TGFA: variants seen among roughly 807,000 people sequenced by gnomAD.
TGFA encodes the protein protransforming growth factor alpha.
In TGFA, 12 loss-of-function variants were observed where a neutral mutation model predicts 21.7. The observed-to-expected ratio is 0.55, with a 90% CI of 0.35 to 0.90. The LOEUF is 0.90. TGFA is among the 40% of genes least tolerant of loss of function. TGFA has a pLI of 0.01. For synonymous variants in TGFA, 79 were observed against 88.1 expected (o/e 0.90, Z 0.58); for missense variants, 178 against 210.8 (o/e 0.84, Z 0.96).
intron 1 of TGFA, among the ~76,000 whole-genome samples, chr2:70,531,307 T>C (rs1170099283): frequency 4.6e-5 from 7 of 152,154 alleles, no homozygotes; most frequent in Non-Finnish European, 8.8e-5. Flanking sequence ...AACATACCAG[T>C]CCACACCCTC....
At chr2:70,471,274 G>A (rs1670740863) in intron 2 of TGFA, among the ~76,000 whole-genome samples, 1 of 152,202 alleles carries the variant, frequency 6.6e-6, no homozygotes, top group African/African-American at 2.4e-5. Flanking sequence ...TTTGTAGCTT[G>A]TCACAGGTTT....
chr2:70,465,219 A>C (rs1328270713), intron 3 of TGFA, among the ~76,000 whole-genome samples: 3 of 152,246 alleles, frequency 2.0e-5, no homozygotes, highest in Non-Finnish European at 4.4e-5. Context: ...GCTAGAGGGC[A>C]GAGACCACAT....
In TGFA at chr2:70,465,684, A is replaced by G. The variant is rs147816445; in HGVS notation, c.147T>C (p.Asp49=). 1.9e-6 allele frequency: 3 copies of G among 1,614,048 alleles called. No individual in the cohort carries two copies. In the African/African-American group the frequency reaches 4.0e-5, roughly 22 times the overall value. The change falls in exon 3 of 6, where the codon GAT becomes GAC. Residue 49 remains aspartate, a synonymous_variant. Transcript: ENST00000295400. ...AVVSHFNDCP[D]SHTQFCFHGT... is the part of the protein sequence containing the mutation. The stretch of plus-strand genomic sequence containing the variant: ...CATGGAAGCAGAACTGAGTGTGGGA[A>G]TCTGGGCAGTCATTAAAATGGGACA...
intron 1 of TGFA, among the ~76,000 whole-genome samples, chr2:70,530,592 G>A (rs1005277071): frequency 1.1e-4 from 16 of 150,176 alleles, no homozygotes; most frequent in African/African-American, 3.8e-4. Flanking sequence ...GCGGCCCATG[G>A]GCCACAGGTT....
At chr2:70,547,842 GAGAT>G (rs1392331838) in intron 1 of TGFA, among the ~76,000 whole-genome samples, 2 of 146,540 alleles carry the variant, frequency 1.4e-5, no homozygotes, top group Non-Finnish European at 3.0e-5. Flanking sequence ...GATATATATA[GAGAT>G]ATATATATCT....
chr2:70,491,875 T>C (rs1372745880), intron 2 of TGFA, among the ~76,000 whole-genome samples: 2 of 152,090 alleles, frequency 1.3e-5, no homozygotes, highest in Non-Finnish European at 2.9e-5. Context: ...AGAGTAAGAG[T>C]GCATAAAACC....
rs78414984 is a variant in TGFA at position 70,459,647 on chromosome 2, C to G, written c.216-3159G>C. ...GCACCAAGGGAGATAACCCCCTGGG[C>G]TGGGACACACCTTGCTGACTTTCCA... On this transcript the variant is annotated intron_variant, in intron 3 of 5. Transcript: ENST00000295400. 7.6e-3 allele frequency among the ~76,000 whole-genome samples: 1,160 copies of G among 152,330 alleles called. 11 individuals carry two copies. Among genetic ancestry groups the G allele is most frequent in the Non-Finnish European group, 0.011 (734 of 68,030 alleles).
intron 2 of TGFA, among the ~76,000 whole-genome samples, chr2:70,486,725 G>C (rs986009876): frequency 6.6e-6 from 1 of 151,892 alleles, no homozygotes; most frequent in East Asian, 1.9e-4. Flanking sequence ...GCCCCCTAAA[G>C]TGCTGGAATT....
intron 2 of TGFA, among the ~76,000 whole-genome samples, chr2:70,484,888 C>T (rs1207867933): frequency 1.3e-5 from 2 of 152,194 alleles, no homozygotes; most frequent in East Asian, 3.8e-4. Flanking sequence ...ACCAAAGAAC[C>T]CTAGTTGATG....
At chr2:70,526,380 C>T (rs1274722877) in intron 1 of TGFA, among the ~76,000 whole-genome samples, 4 of 152,190 alleles carry the variant, frequency 2.6e-5, no homozygotes, top group African/African-American at 7.2e-5. Flanking sequence ...GGGGATGATG[C>T]ATTTGACTTT....
chr2:70,530,645 C>T (rs1420282106), intron 1 of TGFA, among the ~76,000 whole-genome samples: 1 of 152,238 alleles, frequency 6.6e-6, no homozygotes, highest in African/African-American at 2.4e-5. Flanking sequence ...ACTTATAAGA[C>T]ATGCATTAAA....
chr2:70,534,602 T>C (rs910358244), intron 1 of TGFA, among the ~76,000 whole-genome samples: 53 of 152,328 alleles, frequency 3.5e-4, no homozygotes, highest in African/African-American at 1.3e-3. Flanking sequence ...GGTTCCTTGG[T>C]CATAATAAAA....
At chr2:70,518,769 G>A (rs948220792) in intron 1 of TGFA, among the ~76,000 whole-genome samples, 5 of 152,194 alleles carry the variant, frequency 3.3e-5, no homozygotes, top group African/African-American at 1.2e-4. Context: ...AGTGCCTGGA[G>A]CTGGGAGGAG....
intron 4 of TGFA, among the ~76,000 whole-genome samples, chr2:70,454,495 G>T (rs1670165449): frequency 6.6e-6 from 1 of 152,232 alleles, no homozygotes; most frequent in South Asian, 2.1e-4. Context: ...ATGCCAGGGG[G>T]CTCTAAAGGC....
chr2:70,521,313 AC>A (rs1672452319), intron 1 of TGFA, among the ~76,000 whole-genome samples: 1 of 151,446 alleles, frequency 6.6e-6, no homozygotes, highest in African/African-American at 2.4e-5. Flanking sequence ...AGGTCCTCTG[AC>A]CCCAGCTGCC....
intron 2 of TGFA, among the ~76,000 whole-genome samples, chr2:70,474,351 A>T (rs1670861601): frequency 1.3e-5 from 2 of 152,262 alleles, no homozygotes; most frequent in South Asian, 4.1e-4. Context: ...ATAGAAAATT[A>T]GGATGCTATT....
chr2:70,472,713 T>A (rs1670794620), intron 2 of TGFA, among the ~76,000 whole-genome samples: 1 of 152,230 alleles, frequency 6.6e-6, no homozygotes, highest in Admixed American at 6.5e-5. Context: ...TAATTGGACT[T>A]CATGCTGTGC....
chr2:70,475,416 G>A (rs1283292040), intron 2 of TGFA, among the ~76,000 whole-genome samples: 1 of 152,136 alleles, frequency 6.6e-6, no homozygotes, highest in Non-Finnish European at 1.5e-5. Flanking sequence ...GTTCAATGAT[G>A]CGAAGTCAGC....
chr2:70,479,701 T>TA (rs1374498422), intron 2 of TGFA, among the ~76,000 whole-genome samples: 2 of 151,978 alleles, frequency 1.3e-5, no homozygotes, highest in Non-Finnish European at 1.5e-5. Context: ...TCCAGCCCAT[T>TA]AAAAAAAATT....
Sources: allele counts gnomAD v4.1 joint callset (sites outside exome capture counted in the v4.1 genomes callset), GRCh38; gene constraint gnomAD v4.1.1; transcripts MANE v1.5; gene names NCBI Gene and HGNC (gene_info 2026-07-23, HGNC 2026-07-21).